The following SNORD118 variants were observed in gnomAD, a reference collection of about 807,000 sequenced individuals.
SNORD118 encodes small nucleolar RNA, C/D box 118.
At position 8,173,539 on chromosome 17, in the gene SNORD118, T is replaced by C. The variant is rs200525987; in HGVS notation, n.49A>G. 328 of 765,462 alleles carry C rather than the reference T, an allele frequency of 4.3e-4. 4 individuals are homozygous for C. Among genetic ancestry groups the C allele is most frequent in the South Asian group, 2.8e-3 (206 of 74,620 alleles). The allele number at this position is 765,462 out of a possible 1,614,324, so 47.4% of individuals were successfully genotyped here. On this transcript the variant is annotated non_coding_transcript_exon_variant, in exon 1 of 1. Transcript: ENST00000363593. ...TCATGCATCTCCAATCATCATGTTC[T>C]AATCTGCCCTCCGGAGGAGGAACAG... is the stretch of plus-strand genomic sequence containing the variant.
chr17:8,173,499 G>A lies in SNORD118; in HGVS notation n.89C>T, dbSNP rs9893248. Reference sequence around the variant, plus strand: ...GTGTTGCAAGTCCTGATTACGCAGAGACGTTAATCACGTTTCATGCATCTC... The same window carrying A: ...GTGTTGCAAGTCCTGATTACGCAGAAACGTTAATCACGTTTCATGCATCTC... On this transcript the variant is annotated non_coding_transcript_exon_variant, in exon 1 of 1. Transcript: ENST00000363593. 268 of 765,238 alleles carry A rather than the reference G, an allele frequency of 3.5e-4. No individual in the cohort carries two copies. In the East Asian group the frequency reaches 3.6e-3, roughly 10 times the overall value. The allele number at this position is 765,238 out of a possible 1,614,324, so 47.4% of individuals were successfully genotyped here.
exon 1 of SNORD118, chr17:8,173,546 C>A (rs76164795): frequency 1.0e-5 from 8 of 765,364 alleles, no homozygotes; most frequent in South Asian, 8.0e-5. Context: ...TTCTAATCTG[C>A]CCTCCGGAGG....
At position 8,173,463 on chromosome 17, in the gene SNORD118, G is replaced by A. The variant is rs144429028; in HGVS notation, n.125C>T. 83 of 764,164 alleles carry A rather than the reference G, an allele frequency of 1.1e-4. No individual in the cohort carries two copies. Among genetic ancestry groups the A allele is most frequent in the Middle Eastern group, 2.7e-4 (1 of 3,766 alleles). 47.3% of individuals were successfully genotyped at this position (764,164 alleles called of 1,614,324 possible). A position where few individuals can be genotyped will look rare whatever the true frequency, so the allele number is the denominator to read the frequency against. On this transcript the variant is annotated non_coding_transcript_exon_variant, in exon 1 of 1. Transcript: ENST00000363593. ...GTGATCGTCAGAAAGAATCAGACAG[G>A]AGCAATCAGGGTGTTGCAAGTCCTG...
chr17:8,173,481 A>C, exon 1 of SNORD118: 1 of 765,000 alleles, frequency 1.3e-6, no homozygotes, highest in South Asian at 1.3e-5. Context: ...AGGGTGTTGC[A>C]AGTCCTGATT....
At chr17:8,173,477 T>C (rs773923180) in exon 1 of SNORD118, 33 of 764,656 alleles carry the variant, frequency 4.3e-5, no homozygotes, top group African/African-American at 6.8e-5. Flanking sequence ...AATCAGGGTG[T>C]TGCAAGTCCT....
At chr17:8,173,453 A>T (rs750849287), downstream of SNORD118, 4 of 763,150 alleles carry the variant, frequency 5.2e-6, no homozygotes, top group South Asian at 1.3e-5. Flanking sequence ...CGTCAGAAAG[A>T]ATCAGACAGG....
rs201266955 is a variant in SNORD118 at position 8,173,581 on chromosome 17, C to A, written n.7G>T. 1.6e-5 allele frequency: 12 copies of A among 764,224 alleles called. 1 individual carries two copies. The highest frequency in any genetic ancestry group is 1.5e-4 in the Admixed American group (9 of 58,844). 47.3% of individuals were successfully genotyped at this position (764,224 alleles called of 1,614,324 possible). A position where few individuals can be genotyped will look rare whatever the true frequency, so the allele number is the denominator to read the frequency against. ...GAGGAACAGGTAAGGATTATCCCAC[C>A]TGACGATACAGACAAACAGCCGACA... On this transcript the variant is annotated non_coding_transcript_exon_variant, in exon 1 of 1. Coordinates refer to ENST00000363593, the Ensembl canonical transcript of SNORD118.
At chr17:8,173,459 A>ATAGGAG (rs745938364) in exon 1 of SNORD118, 94 of 763,978 alleles carry the variant, frequency 1.2e-4, no homozygotes, top group Admixed American at 5.1e-5. Context: ...AAAGAATCAG[A>ATAGGAG]CAGGAGCAAT....
exon 1 of SNORD118, chr17:8,173,547 C>A (rs148909909): frequency 7.8e-6 from 6 of 765,330 alleles, no homozygotes; most frequent in East Asian, 4.8e-5. Flanking sequence ...TCTAATCTGC[C>A]CTCCGGAGGA....
In SNORD118 at chr17:8,173,474, G is replaced by A. The variant is rs148801759; in HGVS notation, n.114C>T. On this transcript the variant is annotated non_coding_transcript_exon_variant, in exon 1 of 1. Coordinates refer to ENST00000363593, the Ensembl canonical transcript of SNORD118. ...AAAGAATCAGACAGGAGCAATCAGG[G>A]TGTTGCAAGTCCTGATTACGCAGAG... is the stretch of plus-strand genomic sequence containing the variant. 546 of 764,652 alleles carry A rather than the reference G, an allele frequency of 7.1e-4. 1 individual carries two copies. Among genetic ancestry groups the A allele is most frequent in the East Asian group, 2.1e-3 (86 of 41,242 alleles). 47.4% of individuals were successfully genotyped at this position (764,652 alleles called of 1,614,324 possible).
In SNORD118 at chr17:8,173,559, G is replaced by A. The variant is rs9893295; in HGVS notation, n.29C>T. 3.6e-3 allele frequency: 2,783 copies of A among 765,312 alleles called. 16 individuals are homozygous for A. Among genetic ancestry groups the A allele is most frequent in the South Asian group, 0.012 (873 of 74,592 alleles). 47.4% of individuals were successfully genotyped at this position (765,312 alleles called of 1,614,324 possible). ...TGTTCTAATCTGCCCTCCGGAGGAGGAACAGGTAAGGATTATCCCACCTGA... is the reference window on the plus strand; with the variant it reads ...TGTTCTAATCTGCCCTCCGGAGGAGAAACAGGTAAGGATTATCCCACCTGA... On this transcript the variant is annotated non_coding_transcript_exon_variant, in exon 1 of 1. Coordinates refer to ENST00000363593, the Ensembl canonical transcript of SNORD118.
At position 8,173,533 on chromosome 17, in the gene SNORD118, A is replaced by ATGTTCT. The variant is rs1567550770; in HGVS notation, n.49_54dup. The ATGTTCT allele has an allele frequency of 3.9e-6, 3 of 765,292 alleles. No individual in the cohort carries two copies. The South Asian group carries it at 4.0e-5, about 10-fold the overall frequency. 47.4% of individuals were successfully genotyped at this position (765,292 alleles called of 1,614,324 possible). ...CACGTTTCATGCATCTCCAATCATC[A>ATGTTCT]TGTTCTAATCTGCCCTCCGGAGGAG... On this transcript the variant is annotated non_coding_transcript_exon_variant, in exon 1 of 1. Coordinates refer to ENST00000363593, the Ensembl canonical transcript of SNORD118.
rs182078929 is a variant in SNORD118, at chr17:8,173,548, C to T, written n.40G>A. On this transcript the variant is annotated non_coding_transcript_exon_variant, in exon 1 of 1. Coordinates refer to ENST00000363593, the Ensembl canonical transcript of SNORD118. ...TCCAATCATCATGTTCTAATCTGCCCTCCGGAGGAGGAACAGGTAAGGATT... is the reference window on the plus strand; with the variant it reads ...TCCAATCATCATGTTCTAATCTGCCTTCCGGAGGAGGAACAGGTAAGGATT... 57 of 765,368 alleles carry T rather than the reference C, an allele frequency of 7.4e-5. No individual in the cohort carries two copies. The highest frequency in any genetic ancestry group is 3.0e-4 in the Admixed American group (18 of 59,020). The allele number at this position is 765,368 out of a possible 1,614,324, so 47.4% of individuals were successfully genotyped here. A position where few individuals can be genotyped will look rare whatever the true frequency, so the allele number is the denominator to read the frequency against.
chr17:8,173,521 T>TA, exon 1 of SNORD118: 1 of 765,346 alleles, frequency 1.3e-6, no homozygotes, highest in Admixed American at 1.7e-5. Flanking sequence ...GTTTCATGCA[T>TA]CTCCAATCAT....
Position 8,173,483 on chromosome 17 carries a change from G to C in SNORD118, n.105C>G, listed in dbSNP as rs141568482. 2.7e-3 allele frequency: 2,070 copies of C among 764,972 alleles called. 22 individuals carry two copies. The highest frequency in any genetic ancestry group is 4.0e-3 in the East Asian group (165 of 41,248). The allele number at this position is 764,972 out of a possible 1,614,324, so 47.4% of individuals were successfully genotyped here. A position where few individuals can be genotyped will look rare whatever the true frequency, so the allele number is the denominator to read the frequency against. On this transcript the variant is annotated non_coding_transcript_exon_variant, in exon 1 of 1. Coordinates refer to ENST00000363593, the Ensembl canonical transcript of SNORD118. ...GACAGGAGCAATCAGGGTGTTGCAA[G>C]TCCTGATTACGCAGAGACGTTAATC...
At position 8,173,551 on chromosome 17, in the gene SNORD118, C is replaced by G. The variant is rs539261856; in HGVS notation, n.37G>C. ...AATCATCATGTTCTAATCTGCCCTC[C>G]GGAGGAGGAACAGGTAAGGATTATC... is the stretch of plus-strand genomic sequence containing the variant. On this transcript the variant is annotated non_coding_transcript_exon_variant, in exon 1 of 1. Transcript: ENST00000363593. 1.4e-4 allele frequency: 104 copies of G among 765,140 alleles called. No homozygotes were observed. The highest frequency in any genetic ancestry group is 3.9e-4 in the Admixed American group (23 of 59,014). 47.4% of individuals were successfully genotyped at this position (765,140 alleles called of 1,614,324 possible). A position where few individuals can be genotyped will look rare whatever the true frequency, so the allele number is the denominator to read the frequency against.
chr17:8,173,480 C>A (rs201784335), exon 1 of SNORD118: 13 of 764,744 alleles, frequency 1.7e-5, no homozygotes, highest in East Asian at 1.5e-4. Context: ...CAGGGTGTTG[C>A]AAGTCCTGAT....
chr17:8,173,461 A>G (rs569413803), exon 1 of SNORD118: 27 of 764,052 alleles, frequency 3.5e-5, no homozygotes, highest in East Asian at 7.3e-5. Flanking sequence ...AGAATCAGAC[A>G]GGAGCAATCA....
rs772667974 is a variant in SNORD118 at position 8,173,508 on chromosome 17, C to T, written n.80G>A. 4.4e-5 allele frequency: 34 copies of T among 765,202 alleles called. No homozygotes were observed. The highest frequency in any genetic ancestry group is 5.1e-5 in the African/African-American group (3 of 59,130). 47.4% of individuals were successfully genotyped at this position (765,202 alleles called of 1,614,324 possible). A position where few individuals can be genotyped will look rare whatever the true frequency, so the allele number is the denominator to read the frequency against. Reference sequence around the variant, plus strand: ...GTCCTGATTACGCAGAGACGTTAATCACGTTTCATGCATCTCCAATCATCA... The same window carrying T: ...GTCCTGATTACGCAGAGACGTTAATTACGTTTCATGCATCTCCAATCATCA... On this transcript the variant is annotated non_coding_transcript_exon_variant, in exon 1 of 1. Coordinates refer to ENST00000363593, the Ensembl canonical transcript of SNORD118.
Sources: gnomAD v4.1 joint callset for allele counts on GRCh38, gnomAD v4.1.1 for gene constraint, MANE v1.5 for transcripts, NCBI Gene and HGNC (gene_info 2026-07-23, HGNC 2026-07-21) for gene names.